SPECC1L: variants seen among roughly 807,000 people sequenced by gnomAD.
The protein encoded by SPECC1L is sperm antigen with calponin homology and coiled-coil domains 1 like.
In SPECC1L, 40 loss-of-function variants were observed where a neutral mutation model predicts 116.8. The ratio of observed to expected loss-of-function variants is 0.34; its 90% CI spans 0.27 to 0.45. SPECC1L has a LOEUF of 0.45. SPECC1L is among the 20% of genes least tolerant of loss of function. The pLI, the probability that SPECC1L is intolerant of heterozygous loss-of-function variation, is 1.00. For synonymous variants in SPECC1L, 504 were observed against 500.6 expected (o/e 1.01, Z -0.09); for missense variants, 1,110 against 1,373.6 (o/e 0.81, Z 3.03).
chr22:24,394,482 A>G (rs2042329115), intron 14 of SPECC1L, among the ~76,000 whole-genome samples: 2 of 152,246 alleles, frequency 1.3e-5, no homozygotes, highest in African/African-American at 4.8e-5. Context: ...ATTGGGGATT[A>G]GGATTTCAAC....
chr22:24,294,747 C>T (rs1379046532), intron 2 of SPECC1L, among the ~76,000 whole-genome samples: 1 of 152,066 alleles, frequency 6.6e-6, no homozygotes, highest in Non-Finnish European at 1.5e-5. Flanking sequence ...AGAATTGGTG[C>T]TTGGCTTGCC....
chr22:24,404,984 A>G (rs1175003488), intron 14 of SPECC1L, among the ~76,000 whole-genome samples: 1 of 152,044 alleles, frequency 6.6e-6, no homozygotes, highest in Non-Finnish European at 1.5e-5. Context: ...GAGGTTCCCC[A>G]TTACTGTTAG....
intron 10 of SPECC1L, among the ~76,000 whole-genome samples, chr22:24,346,525 G>A (rs7293001): frequency 0.12 from 18,443 of 152,106 alleles, 2,557 homozygotes; most frequent in African/African-American, 0.34. Context: ...ACATGTTTTT[G>A]TATTTACTGA....
Position 24,333,736 on chromosome 22 carries a change from A to G in SPECC1L, c.2397-674A>G, listed in dbSNP as rs528547882. On this transcript the variant is annotated intron_variant, in intron 8 of 16. Coordinates refer to ENST00000314328, the MANE Select transcript of SPECC1L (RefSeq NM_015330.6). ...AGTTATCAGGTACTGGTGAACCTCC[A>G]GACTCCTGAGAAGGGCCTTCTCGGC... Among the ~76,000 whole-genome samples, 6 of 152,176 alleles carry G rather than the reference A, an allele frequency of 3.9e-5. No individual in the cohort carries two copies. The South Asian group carries it at 1.2e-3, about 32-fold the overall frequency.
intron 14 of SPECC1L, among the ~76,000 whole-genome samples, chr22:24,403,280 A>G (rs2042516087): frequency 1.3e-5 from 2 of 152,264 alleles, no homozygotes; most frequent in African/African-American, 4.8e-5. Flanking sequence ...ACATGGAATT[A>G]TCTCGTAGAG....
At chr22:24,390,856 T>TTTTTTTTTC in intron 14 of SPECC1L, among the ~76,000 whole-genome samples, 1 of 98,196 alleles carries the variant, frequency 1.0e-5, no homozygotes, top group Non-Finnish European at 2.0e-5. Flanking sequence ...GTGTTCCTTT[T>TTTTTTTTTC]TTTTTTTTTT....
chr22:24,365,563 C>A lies in SPECC1L; in HGVS notation c.2915C>A (p.Thr972Lys), dbSNP rs778020153. The change falls in exon 13 of 17, where the codon ACG becomes AAG. Residue 972 changes from threonine (T) to lysine (K), a missense_variant. Thr to Lys is a moderately conservative substitution (Grantham distance 78, BLOSUM62 -1). Transcript: ENST00000314328. ...GCCTCTCTGATGGCTATGGGAACCA[C>A]GTCTCCACAGCTTTCCCTGTCCTCT... ...SPASLMAMGT[T>K]SPQLSLSSSP... is the part of the protein sequence containing the mutation. 1 of 1,614,000 alleles carries A rather than the reference C, an allele frequency of 6.2e-7. No homozygotes were observed.
At chr22:24,303,743 T>G (rs2049430335) in intron 3 of SPECC1L, among the ~76,000 whole-genome samples, 1 of 152,114 alleles carries the variant, frequency 6.6e-6, no homozygotes, top group Non-Finnish European at 1.5e-5. Context: ...TCTTGAACAG[T>G]GAGTACTTTT....
At chr22:24,298,733 T>C (rs2049316781) in intron 2 of SPECC1L, among the ~76,000 whole-genome samples, 1 of 152,220 alleles carries the variant, frequency 6.6e-6, no homozygotes, top group Non-Finnish European at 1.5e-5. Flanking sequence ...CCCTCTTACT[T>C]AGCCTTTTTG....
rs756714389 is a variant in SPECC1L at position 24,288,615 on chromosome 22, CTTTTTTTTTTTT to C, written c.-38+11830_-38+11841del. 1.1e-3 allele frequency among the ~76,000 whole-genome samples: 70 copies of C among 61,680 alleles called. No homozygotes were observed. In the East Asian group the frequency reaches 0.025, roughly 22 times the overall value. The allele number at this position is 61,680 out of a possible 152,430, so 40.5% of individuals were successfully genotyped here. A position where few individuals can be genotyped will look rare whatever the true frequency, so the allele number is the denominator to read the frequency against. On this transcript the variant is annotated intron_variant, in intron 2 of 16. Transcript: ENST00000314328. ...GACTTCTCAAATCCAAAATTTTAAG[CTTTTTTTTTTTT>C]TTTTTTTTTTTTTTTTTGGACATAT...
At chr22:24,303,177 T>C (rs979790118) in intron 3 of SPECC1L, among the ~76,000 whole-genome samples, 2 of 152,104 alleles carry the variant, frequency 1.3e-5, no homozygotes, top group African/African-American at 4.8e-5. Context: ...GGCTTAATTA[T>C]TTTAAGAAGG....
chr22:24,293,225 G>T (rs2049189316), intron 2 of SPECC1L, among the ~76,000 whole-genome samples: 2 of 152,162 alleles, frequency 1.3e-5, no homozygotes, highest in Non-Finnish European at 2.9e-5. Context: ...GGAGGCCGAG[G>T]CAGTCGAATC....
At chr22:24,390,207 C>A (rs576044767) in intron 14 of SPECC1L, among the ~76,000 whole-genome samples, 1 of 151,880 alleles carries the variant, frequency 6.6e-6, no homozygotes, top group East Asian at 1.9e-4. Flanking sequence ...TTCCCCTGAT[C>A]CTTCCTTTTC....
At position 24,388,328 on chromosome 22, in the gene SPECC1L, C is replaced by G. The variant is rs2042201736; in HGVS notation, c.3087+19008C>G. Among the ~76,000 whole-genome samples the G allele has an allele frequency of 2.7e-5, 4 of 146,814 alleles. No individual in the cohort carries two copies. In the South Asian group the frequency reaches 8.6e-4, roughly 32 times the overall value. On this transcript the variant is annotated intron_variant, in intron 14 of 16. Transcript: ENST00000314328. The stretch of plus-strand genomic sequence containing the variant: ...ATTCCCACCTATGAGTGAGAACATG[C>G]AGTGTTTGTTTTTTTTTTGTCCTTG...
At chr22:24,350,087 C>T (rs1384696624) in intron 11 of SPECC1L, among the ~76,000 whole-genome samples, 1 of 152,080 alleles carries the variant, frequency 6.6e-6, no homozygotes, top group Non-Finnish European at 1.5e-5. Context: ...CTTGGGCATG[C>T]TCCTGACTTA....
chr22:24,285,909 G>A (rs1365065491), intron 2 of SPECC1L, among the ~76,000 whole-genome samples: 2 of 152,182 alleles, frequency 1.3e-5, no homozygotes, highest in Non-Finnish European at 2.9e-5. Context: ...CAAAGTTCTG[G>A]GATTACAGGC....
chr22:24,414,973 G>A lies in SPECC1L; in HGVS notation c.*350G>A, dbSNP rs2042774425. On this transcript the variant is annotated 3_prime_UTR_variant, in exon 17 of 17. Transcript: ENST00000314328. ...CATGCACAGCTGAATTTGGGAAAAG[G>A]GATTCAGTTCTGTGGGAAACTCACT... 3.1e-6 allele frequency: 1 copy of A among 327,226 alleles called. No individual in the cohort carries two copies. Among genetic ancestry groups the A allele is most frequent in the African/African-American group, 2.1e-5 (1 of 47,266 alleles). 20.3% of individuals were successfully genotyped at this position (327,226 alleles called of 1,614,324 possible).
intron 8 of SPECC1L, among the ~76,000 whole-genome samples, chr22:24,333,798 C>G (rs1201990996): frequency 6.6e-6 from 1 of 151,950 alleles, no homozygotes; most frequent in Non-Finnish European, 1.5e-5. Context: ...CTGAGCCAGT[C>G]TACCTCCTTT....
Position 24,407,615 on chromosome 22 carries a change from G to A in SPECC1L, c.3088-3973G>A. ...CTCTGAGGGCCAGGCGTTGCCATTG[G>A]CCTCACACAGAGCTCCACACGTTAT... On this transcript the variant is annotated intron_variant, in intron 14 of 16. Transcript: ENST00000314328. Among the ~76,000 whole-genome samples the A allele has an allele frequency of 1.3e-5, 2 of 152,156 alleles. 1 individual carries two copies. Among genetic ancestry groups the A allele is most frequent in the East Asian group, 3.8e-4 (2 of 5,198 alleles).
Sources: gnomAD v4.1 joint callset for allele counts (sites outside exome capture counted in the v4.1 genomes callset) on GRCh38, gnomAD v4.1.1 for gene constraint, MANE v1.5 for transcripts, NCBI Gene and HGNC (gene_info 2026-07-23, HGNC 2026-07-21) for gene names.